Variants in KCTD16 observed in about 807,000 individuals in gnomAD.
KCTD16 encodes potassium channel tetramerization domain containing 16, also known as BTB/POZ domain-containing protein KCTD16.
A neutral mutation model predicts 33.2 loss-of-function variants in KCTD16; 13 were observed. The observed-to-expected ratio is 0.39, with a 90% CI of 0.25 to 0.62. The LOEUF (loss-of-function observed/expected upper bound fraction) is 0.62. Among genes scored for constraint, KCTD16 ranks in the 20% least tolerant of loss-of-function variants. The probability of loss-of-function intolerance (pLI) is 0.50; values close to 1 mark genes in which losing one functional copy is unlikely to be tolerated. For synonymous variants in KCTD16, 197 were observed against 195.3 expected, an observed-to-expected ratio of 1.01 and a Z score of -0.07; for missense variants, 441 against 525.1, an observed-to-expected ratio of 0.84 and a Z score of 1.57.
At chr5:144,367,316 G>C (rs1473382240) in intron 3 of KCTD16, among the ~76,000 whole-genome samples, 1 of 152,200 alleles carries the variant, frequency 6.6e-6, no homozygotes, top group African/African-American at 2.4e-5. Flanking sequence ...AGCAGGTTTG[G>C]AAAGAGTGAA....
rs563668170 is a variant in KCTD16, at chr5:144,303,699, G to T, written c.832+96153G>T. On this transcript the variant is annotated intron_variant, in intron 3 of 3. Transcript: ENST00000512467. ...AAATATGATAATGCAAGGACTAGGT[G>T]GGGGTGGGAAATGAGGAGATCCAGG... is the stretch of plus-strand genomic sequence containing the variant. Among the ~76,000 whole-genome samples the T allele has an allele frequency of 2.5e-4, 38 of 152,258 alleles. No individual in the cohort carries two copies. In the South Asian group the frequency reaches 6.4e-3, roughly 26 times the overall value.
chr5:144,297,337 G>A (rs1756067349), intron 3 of KCTD16, among the ~76,000 whole-genome samples: 1 of 152,188 alleles, frequency 6.6e-6, no homozygotes, highest in South Asian at 2.1e-4. Flanking sequence ...ACAGCTTTAA[G>A]CAATGAAAGA....
intron 3 of KCTD16, among the ~76,000 whole-genome samples, chr5:144,397,752 G>A (rs981962606): frequency 4.5e-4 from 69 of 152,226 alleles, no homozygotes; most frequent in African/African-American, 1.5e-3. Context: ...CCAAAAGAAC[G>A]AAGCTGGAGG....
intron 2 of KCTD16, among the ~76,000 whole-genome samples, chr5:144,184,984 A>G (rs1486466040): frequency 2.6e-5 from 4 of 152,232 alleles, no homozygotes; most frequent in Non-Finnish European, 5.9e-5. Context: ...TAATAAATAT[A>G]AAATAATAAC....
intron 3 of KCTD16, among the ~76,000 whole-genome samples, chr5:144,384,569 C>T (rs1752283943): frequency 6.6e-6 from 1 of 152,070 alleles, no homozygotes; most frequent in South Asian, 2.1e-4. Flanking sequence ...TTTATTACAT[C>T]TTCCAAAGTA....
Position 144,484,643 on chromosome 5 carries a change from G to A in KCTD16, c.*10529G>A, listed in dbSNP as rs1170325661. On this transcript the variant is annotated 3_prime_UTR_variant, in exon 4 of 4. Coordinates refer to ENST00000512467, the MANE Select transcript of KCTD16 (RefSeq NM_020768.4). ...GACATCTGTTTCTGATGCTGTGAAT[G>A]TGATGTCACCACAAATAGAGGATTC... 1.3e-5 allele frequency: 2 copies of A among 151,978 alleles called. No homozygotes were observed. Among genetic ancestry groups the A allele is most frequent in the Admixed American group, 1.3e-4 (2 of 15,224 alleles). The allele number at this position is 151,978 out of a possible 1,614,324, so 9.4% of individuals were successfully genotyped here. A position where few individuals can be genotyped will look rare whatever the true frequency, so the allele number is the denominator to read the frequency against.
chr5:144,229,892 A>C (rs1561536831), intron 3 of KCTD16, among the ~76,000 whole-genome samples: 1 of 152,246 alleles, frequency 6.6e-6, no homozygotes, highest in Non-Finnish European at 1.5e-5. Context: ...CTGTAATCCC[A>C]GCACTTTGGG....
At chr5:144,224,782 A>G (rs1000208014) in intron 3 of KCTD16, among the ~76,000 whole-genome samples, 2 of 152,196 alleles carry the variant, frequency 1.3e-5, no homozygotes, top group African/African-American at 4.8e-5. Context: ...GATGTTAGCA[A>G]TAATCATAGC....
intron 3 of KCTD16, among the ~76,000 whole-genome samples, chr5:144,334,002 G>A (rs986677287): frequency 2.6e-5 from 4 of 152,248 alleles, no homozygotes; most frequent in Admixed American, 1.3e-4. Flanking sequence ...AGTTTCCCAA[G>A]CTGTATACTT....
At chr5:144,333,363 C>T (rs572148218) in intron 3 of KCTD16, among the ~76,000 whole-genome samples, 1 of 152,250 alleles carries the variant, frequency 6.6e-6, no homozygotes, top group South Asian at 2.1e-4. Flanking sequence ...TGTGGCTGTT[C>T]TTCTGCTCTT....
At chr5:144,259,063 C>A (rs1754929643) in intron 3 of KCTD16, among the ~76,000 whole-genome samples, 1 of 151,950 alleles carries the variant, frequency 6.6e-6, no homozygotes, top group African/African-American at 2.4e-5. Flanking sequence ...TCGAGACCAT[C>A]CTGGCTAACA....
In KCTD16 at chr5:144,423,443, C is replaced by T. The variant is rs141415358; in HGVS notation, c.833-50217C>T. ...GATAATGACTTCTTAGTCTAGGTTA[C>T]GGGTCTCAGTCAGGTCATTCCTCCC... On this transcript the variant is annotated intron_variant, in intron 3 of 3. Coordinates refer to ENST00000512467, the MANE Select transcript of KCTD16 (RefSeq NM_020768.4). Among the ~76,000 whole-genome samples the T allele has an allele frequency of 6.2e-4, 95 of 152,176 alleles. 1 individual carries two copies. Among genetic ancestry groups the T allele is most frequent in the East Asian group, 3.9e-3 (20 of 5,166 alleles).
At chr5:144,330,373 A>G (rs933456762) in intron 3 of KCTD16, among the ~76,000 whole-genome samples, 1 of 147,132 alleles carries the variant, frequency 6.8e-6, no homozygotes, top group Admixed American at 7.1e-5. Flanking sequence ...AGAACATACC[A>G]CTGCACTCCA....
chr5:144,369,791 T>C (rs1057312486), intron 3 of KCTD16, among the ~76,000 whole-genome samples: 1 of 152,102 alleles, frequency 6.6e-6, no homozygotes, highest in Non-Finnish European at 1.5e-5. Flanking sequence ...ATGAGTACCA[T>C]TGAAGGAAGT....
chr5:144,482,877 G>T lies in KCTD16; in HGVS notation c.*8763G>T, dbSNP rs1449153564. ...TTTAAAACTTTGGAATTTTCAGTTTGGAGAACTTATTATTATTACAATTTA... is the reference window on the plus strand; with the variant it reads ...TTTAAAACTTTGGAATTTTCAGTTTTGAGAACTTATTATTATTACAATTTA... On this transcript the variant is annotated 3_prime_UTR_variant, in exon 4 of 4. Transcript: ENST00000512467. 1 of 151,490 alleles carries T rather than the reference G, an allele frequency of 6.6e-6. No homozygotes were observed. The highest frequency in any genetic ancestry group is 2.4e-5 in the African/African-American group (1 of 41,260). The allele number at this position is 151,490 out of a possible 1,614,324, so 9.4% of individuals were successfully genotyped here.
chr5:144,445,959 G>A (rs1753809488), intron 3 of KCTD16, among the ~76,000 whole-genome samples: 1 of 151,920 alleles, frequency 6.6e-6, no homozygotes, highest in African/African-American at 2.4e-5. Context: ...ATGCTTTCCA[G>A]TACATATCTG....
chr5:144,193,854 G>A (rs1328996280), intron 2 of KCTD16, among the ~76,000 whole-genome samples: 1 of 152,164 alleles, frequency 6.6e-6, no homozygotes, highest in Non-Finnish European at 1.5e-5. Flanking sequence ...TAATTATTGA[G>A]TGTTGGGTGC....
At chr5:144,380,292 A>G (rs1415001785) in intron 3 of KCTD16, among the ~76,000 whole-genome samples, 2 of 152,172 alleles carry the variant, frequency 1.3e-5, no homozygotes, top group Non-Finnish European at 2.9e-5. Flanking sequence ...AAGGAGGTAA[A>G]TGATATTTAC....
rs551467927 is a variant in KCTD16, at chr5:144,322,736, A to C, written c.832+115190A>C. ...AGGACATAAACTTTATTAAAAAAAA[A>C]AAAAACAAAAACTTCTGAACTCATG... On this transcript the variant is annotated intron_variant, in intron 3 of 3. Transcript: ENST00000512467. 2.9e-4 allele frequency among the ~76,000 whole-genome samples: 44 copies of C among 152,122 alleles called. No individual in the cohort carries two copies. The East Asian group carries it at 4.2e-3, about 15-fold the overall frequency.
Sources: allele counts gnomAD v4.1 joint callset (sites outside exome capture counted in the v4.1 genomes callset), GRCh38; gene constraint gnomAD v4.1.1; transcripts MANE v1.5; gene names NCBI Gene and HGNC (gene_info 2026-07-23, HGNC 2026-07-21).